Variants in CELA2B observed in about 807,000 individuals in gnomAD.
CELA2B encodes chymotrypsin-like elastase family member 2B.
In CELA2B, 27 loss-of-function variants were observed where a neutral mutation model predicts 36.5. That is an observed-to-expected ratio of 0.74 (90% CI 0.55 to 1.02). The LOEUF (loss-of-function observed/expected upper bound fraction) is 1.02, where lower values mean the gene tolerates loss of function less well. CELA2B is among the 50% of genes least tolerant of loss of function. CELA2B has a pLI of 0.00. For synonymous variants in CELA2B, 143 were observed against 148.5 expected (o/e 0.96, Z 0.27); for missense variants, 340 against 347.8 (o/e 0.98, Z 0.18).
At chr1:15,485,611 C>G (rs1378979264) in intron 5 of CELA2B, among the ~76,000 whole-genome samples, 1 of 152,206 alleles carries the variant, frequency 6.6e-6, no homozygotes, top group East Asian at 1.9e-4. Context: ...CCATTGACAA[C>G]AGCTTCCAAG....
rs1708798262 is a variant in CELA2B at position 15,485,921 on chromosome 1, G to A, written c.514G>A (p.Asp172Asn). 1.2e-6 allele frequency: 2 copies of A among 1,614,182 alleles called. No homozygotes were observed. The highest frequency in any genetic ancestry group is 2.2e-5 in the South Asian group (2 of 91,070). Residue 172 changes from aspartate to asparagine, a missense_variant, in exon 6 of 8, where the codon GAC becomes AAC. Physicochemically the swap from Asp to Asn is conservative, Grantham distance 23. Transcript: ENST00000375910. ...RLQTNGALPD[D>N]LKQGQLLVVD... Reference sequence around the variant, plus strand: ...TTCAGCCAACGGGGCTCTCCCTGATGACCTGAAGCAGGGCCAGTTGCTGGT... The same window carrying A: ...TTCAGCCAACGGGGCTCTCCCTGATAACCTGAAGCAGGGCCAGTTGCTGGT...
chr1:15,476,648 T>G, intron 2 of CELA2B, 103 bp downstream of exon 2: 1 of 1,116,866 alleles, frequency 9.0e-7, no homozygotes, highest in Non-Finnish European at 1.4e-6. Flanking sequence ...AAAGTTAGGA[T>G]TGATGGGATT....
rs748587640 is a variant in CELA2B at position 15,483,393 on chromosome 1, G to A, written c.486G>A (p.Arg162=). The change falls in exon 5 of 8, where the codon AGG becomes AGA. Residue 162 remains arginine, a synonymous_variant. Coordinates refer to ENST00000375910, the MANE Select transcript of CELA2B (RefSeq NM_015849.3). ...NYPCYVTGWG[R]LQTNGALPDD... ...CCTGCTACGTCACGGGCTGGGGAAG[G>A]CTGCAGAGTAAGTGGGAGCCAGGAG... 1.9e-6 allele frequency: 3 copies of A among 1,613,742 alleles called. No homozygotes were observed. Among genetic ancestry groups the A allele is most frequent in the African/African-American group, 1.3e-5 (1 of 74,952 alleles).
At chr1:15,490,572 C>G (rs1708870345) in intron 7 of CELA2B, among the ~76,000 whole-genome samples, 1 of 152,092 alleles carries the variant, frequency 6.6e-6, no homozygotes, top group East Asian at 1.9e-4. Flanking sequence ...GTTGGCATAT[C>G]AAAATGTTTA....
intron 5 of CELA2B, among the ~76,000 whole-genome samples, chr1:15,484,290 C>T (rs1057468041): frequency 2.6e-5 from 4 of 152,088 alleles, no homozygotes; most frequent in Non-Finnish European, 5.9e-5. Context: ...GGTCAGAGAT[C>T]CAATGACAGT....
intron 3 of CELA2B, chr1:15,481,744 T>C (rs989112783): frequency 4.3e-6 from 2 of 469,610 alleles, no homozygotes; most frequent in Non-Finnish European, 8.8e-6. Flanking sequence ...CCGGAGTTTC[T>C]GCCGGGTCAG....
At chr1:15,484,029 G>A (rs1465723073) in intron 5 of CELA2B, among the ~76,000 whole-genome samples, 4 of 152,176 alleles carry the variant, frequency 2.6e-5, no homozygotes, top group African/African-American at 9.7e-5. Flanking sequence ...TAGGTGCTGT[G>A]TGTTAGTTGT....
At position 15,491,363 on chromosome 1, in the gene CELA2B, A is replaced by C. The variant is rs747739629; in HGVS notation, c.*51A>C. 1.2e-6 allele frequency: 2 copies of C among 1,601,694 alleles called. No homozygotes were observed. The highest frequency in any genetic ancestry group is 1.1e-5 in the South Asian group (1 of 90,834). ...CAGACTTGGAAAGGTCACAGAAGGA[A>C]AATAATATTATATAAAGTGACAACT... On this transcript the variant is annotated 3_prime_UTR_variant, in exon 8 of 8. Coordinates refer to ENST00000375910, the MANE Select transcript of CELA2B (RefSeq NM_015849.3).
chr1:15,476,457 C>A lies in CELA2B; in HGVS notation c.41C>A (p.Ala14Asp). The change falls in exon 2 of 8, where the codon GCC (alanine) becomes GAC (aspartate). Residue 14 changes from alanine (A) to aspartate (D), a missense_variant and splice_region_variant. Coordinates refer to ENST00000375910, the MANE Select transcript of CELA2B (RefSeq NM_015849.3). ...TLLLSTLVAG[A>D]LSCGVSTYAP... ...CTCAAGACCCTTTCTCTTTTCACAG[C>A]CCTCAGTTGTGGGGTCTCCACTTAC... 1.2e-6 allele frequency: 2 copies of A among 1,614,044 alleles called. No individual in the cohort carries two copies. Among genetic ancestry groups the A allele is most frequent in the Non-Finnish European group, 1.7e-6 (2 of 1,179,950 alleles).
chr1:15,487,978 C>CT (rs1708826722), intron 7 of CELA2B, among the ~76,000 whole-genome samples: 1 of 83,770 alleles, frequency 1.2e-5, no homozygotes, highest in East Asian at 3.6e-4. Flanking sequence ...TGAGTTGGTC[C>CT]CCGTCTTGTA....
At position 15,484,986 on chromosome 1, in the gene CELA2B, C is replaced by T. The variant is rs6675947; in HGVS notation, c.494-915C>T. Among the ~76,000 whole-genome samples the T allele has an allele frequency of 4.8e-3, 724 of 152,138 alleles. 7 individuals are homozygous for T. Among genetic ancestry groups the T allele is most frequent in the East Asian group, 0.022 (114 of 5,174 alleles). ...AATCTCTGCTCACTGCAACCTCTGC[C>T]TCCCACATTCAACCGATTCTCCTGC... On this transcript the variant is annotated intron_variant, in intron 5 of 7. Transcript: ENST00000375910.
intron 1 of CELA2B, 116 bp downstream of exon 1, chr1:15,476,281 T>C (rs1708668891): frequency 2.0e-6 from 3 of 1,490,678 alleles, no homozygotes; most frequent in Middle Eastern, 1.8e-4. Flanking sequence ...AGACCTATAA[T>C]CATAAGAAAA....
chr1:15,486,645 G>A (rs1248881260), intron 6 of CELA2B, among the ~76,000 whole-genome samples: 1 of 152,220 alleles, frequency 6.6e-6, no homozygotes, highest in East Asian at 1.9e-4. Flanking sequence ...CCAAAGGAAA[G>A]TATTCCCTGG....
chr1:15,478,489 T>C (rs1708699676), intron 2 of CELA2B, among the ~76,000 whole-genome samples: 1 of 151,828 alleles, frequency 6.6e-6, no homozygotes, highest in African/African-American at 2.4e-5. Flanking sequence ...GTAATCCACC[T>C]GCCTCGGCCT....
chr1:15,487,079 G>A (rs1439056949), intron 6 of CELA2B, among the ~76,000 whole-genome samples: 1 of 152,216 alleles, frequency 6.6e-6, no homozygotes, highest in African/African-American at 2.4e-5. Flanking sequence ...ATGAGATGAG[G>A]CATAGAACAT....
At chr1:15,476,809 C>T (rs932086046) in intron 2 of CELA2B, among the ~76,000 whole-genome samples, 9 of 152,006 alleles carry the variant, frequency 5.9e-5, no homozygotes, top group African/African-American at 2.2e-4. Flanking sequence ...ATGGTGAAAC[C>T]CCGTCTCTAC....
chr1:15,489,830 C>A (rs1708852754), intron 7 of CELA2B, among the ~76,000 whole-genome samples: 1 of 152,068 alleles, frequency 6.6e-6, no homozygotes, highest in South Asian at 2.1e-4. Flanking sequence ...GAAGTCCCCC[C>A]TCATTTTACA....
At chr1:15,489,458 TG>T (rs1015948705) in intron 7 of CELA2B, among the ~76,000 whole-genome samples, 7 of 151,954 alleles carry the variant, frequency 4.6e-5, no homozygotes, top group Non-Finnish European at 8.8e-5. Flanking sequence ...TGTCCTTGGG[TG>T]GGGGCTGCCC....
chr1:15,487,842 T>TC (rs751890735), intron 7 of CELA2B, among the ~76,000 whole-genome samples: 59 of 152,150 alleles, frequency 3.9e-4, no homozygotes, highest in South Asian at 4.1e-4. Context: ...TGGAAATTAG[T>TC]CCCCCTCAAG....
Sources: allele counts gnomAD v4.1 joint callset (sites outside exome capture counted in the v4.1 genomes callset), GRCh38; gene constraint gnomAD v4.1.1; transcripts MANE v1.5; gene names NCBI Gene and HGNC (gene_info 2026-07-23, HGNC 2026-07-21).